Variants in NTRK3 observed in about 807,000 individuals in gnomAD.
The protein encoded by NTRK3 is NT-3 growth factor receptor.
In NTRK3, 24 loss-of-function variants were observed where a neutral mutation model predicts 91.7. The observed-to-expected ratio is 0.26, with a 90% CI of 0.19 to 0.37. The LOEUF is 0.37. Ranked by LOEUF, NTRK3 falls within the 10% of genes least tolerant of loss-of-function variation. The pLI is 1.00. For synonymous variants in NTRK3, 483 were observed against 404.0 expected (o/e 1.20, Z -2.34); for missense variants, 880 against 1,068.9 (o/e 0.82, Z 2.46).
chr15:88,136,718 C>A, intron 7 of NTRK3, 109 bp from the exon 8 acceptor site: 1 of 1,327,870 alleles, frequency 7.5e-7, no homozygotes, highest in Non-Finnish European at 1.0e-6. Flanking sequence ...AGTAATGACT[C>A]TAACACCACC....
intron 14 of NTRK3, among the ~76,000 whole-genome samples, chr15:87,951,478 C>T (rs969525372): frequency 1.2e-4 from 19 of 152,246 alleles, no homozygotes; most frequent in African/African-American, 3.9e-4. Context: ...GGACATGGGC[C>T]GAGCCCTTAG....
In NTRK3 at chr15:88,059,662, C is replaced by T. The variant is rs80148669; in HGVS notation, c.1397-26617G>A. On this transcript the variant is annotated intron_variant, in intron 13 of 18. Transcript: ENST00000394480. ...AACACCCATCGTGTGTGCAGTGAGA[C>T]CTGCTTCTACCCAGAGCTATGGTCG... Among the ~76,000 whole-genome samples the T allele has an allele frequency of 4.9e-3, 751 of 152,250 alleles. 2 individuals are homozygous for T. Among genetic ancestry groups the T allele is most frequent in the Non-Finnish European group, 7.7e-3 (523 of 68,028 alleles).
chr15:87,868,775 A>G, exon 19 of NTRK3: 1 of 223,932 alleles, frequency 4.5e-6, no homozygotes, highest in Non-Finnish European at 8.9e-6. Flanking sequence ...CACTCCTTAA[A>G]GAGATGACAA....
chr15:87,936,679 C>T (rs1233431370), intron 15 of NTRK3, among the ~76,000 whole-genome samples: 1 of 151,986 alleles, frequency 6.6e-6, no homozygotes, highest in Non-Finnish European at 1.5e-5. Context: ...TGGTAAAACA[C>T]ACACACGCAC....
At chr15:88,058,700 A>G (rs1453052276) in intron 13 of NTRK3, among the ~76,000 whole-genome samples, 2 of 152,152 alleles carry the variant, frequency 1.3e-5, no homozygotes, top group African/African-American at 4.8e-5. Flanking sequence ...CATCTGTTGC[A>G]TCCTCCCCTA....
chr15:88,000,214 C>T (rs2076001396), intron 14 of NTRK3, among the ~76,000 whole-genome samples: 1 of 152,152 alleles, frequency 6.6e-6, no homozygotes, highest in African/African-American at 2.4e-5. Context: ...AAAATGTCGA[C>T]ATATGTCCAT....
chr15:88,166,291 C>T (rs916385432), intron 5 of NTRK3, among the ~76,000 whole-genome samples: 10 of 152,204 alleles, frequency 6.6e-5, no homozygotes, highest in African/African-American at 2.4e-4. Flanking sequence ...AAGGGGCACT[C>T]CCTCTACTGT....
At position 87,916,475 on chromosome 15, in the gene NTRK3, T is replaced by A. The variant is rs537413470; in HGVS notation, c.2133+12716A>T. ...CCTTTCCCGAGGACAGAATCCAATA[T>A]AAGCATGCTTCAACGTCTCAGAATT... On this transcript the variant is annotated intron_variant, in intron 17 of 18. Coordinates refer to ENST00000394480, the Ensembl canonical transcript of NTRK3. 1.1e-5 allele frequency: 8 copies of A among 701,506 alleles called. No homozygotes were observed. The Admixed American group carries it at 1.6e-4, about 14-fold the overall frequency. The allele number at this position is 701,506 out of a possible 1,614,324, so 43.5% of individuals were successfully genotyped here.
chr15:87,930,903 G>A (rs1272171505), intron 16 of NTRK3, among the ~76,000 whole-genome samples: 2 of 152,086 alleles, frequency 1.3e-5, no homozygotes, highest in African/African-American at 2.4e-5. Flanking sequence ...CTTCAGGAAG[G>A]GATCCCATAG....
At chr15:88,183,289 A>G (rs990898959) in intron 5 of NTRK3, 129 bp downstream of exon 5, 48 of 872,948 alleles carry the variant, frequency 5.5e-5, no homozygotes, top group South Asian at 1.9e-4. Flanking sequence ...TGGAAGCCCA[A>G]TAAAGTTCAA....
chr15:88,090,334 G>A (rs2048902917), intron 13 of NTRK3, among the ~76,000 whole-genome samples: 2 of 152,328 alleles, frequency 1.3e-5, no homozygotes, highest in East Asian at 1.9e-4. Flanking sequence ...ATCCCGGTAT[G>A]TAAGCCAGTA....
rs1331401882 is a variant in NTRK3 at position 88,233,799 on chromosome 15, C to CG, written c.248+22106_248+22107insC. ...TCCCCTGACATCCAGTGCTCCCCCT[C>CG]CCTGCCTTGTCCAAGAGAATCTCTA... On this transcript the variant is annotated intron_variant, in intron 3 of 18. Transcript: ENST00000394480. The surrounding 1 kb of genome is among the most constrained non-coding windows in gnomAD (Gnocchi z 4.2). Among the ~76,000 whole-genome samples the CG allele has an allele frequency of 1.2e-4, 18 of 151,994 alleles. No homozygotes were observed. The highest frequency in any genetic ancestry group is 3.9e-4 in the African/African-American group (16 of 41,344).
intron 3 of NTRK3, among the ~76,000 whole-genome samples, chr15:88,216,615 G>A (rs2049795601): frequency 6.6e-6 from 1 of 152,168 alleles, no homozygotes; most frequent in African/African-American, 2.4e-5. Context: ...TGGAGCAGCT[G>A]GAACTTCCTC....
intron 13 of NTRK3, among the ~76,000 whole-genome samples, chr15:88,094,892 G>A (rs548260886): frequency 1.6e-4 from 24 of 152,322 alleles, no homozygotes; most frequent in South Asian, 4.1e-4. Context: ...TAACTCCATC[G>A]TAACAGACTG....
intron 13 of NTRK3, among the ~76,000 whole-genome samples, chr15:88,087,745 C>A (rs2048636961): frequency 3.3e-5 from 5 of 152,196 alleles, no homozygotes; most frequent in Admixed American, 3.3e-4. Flanking sequence ...AACCTCAAAT[C>A]ATACTTTAAA....
chr15:87,981,494 T>TA, intron 14 of NTRK3: 1 of 1,186,198 alleles, frequency 8.4e-7, no homozygotes. Context: ...CTGTACCCAC[T>TA]CTGCTGTGCC....
At chr15:87,887,202 A>G (rs1392225086) in intron 17 of NTRK3, among the ~76,000 whole-genome samples, 1 of 152,188 alleles carries the variant, frequency 6.6e-6, no homozygotes, top group Non-Finnish European at 1.5e-5. Context: ...TTAATTGGTC[A>G]TGGAGACTCC....
At chr15:88,014,276 T>C (rs181583712) in intron 14 of NTRK3, among the ~76,000 whole-genome samples, 199 of 152,312 alleles carry the variant, frequency 1.3e-3, no homozygotes, top group African/African-American at 4.6e-3. Context: ...AATGAAAAGA[T>C]TGCATTTCCA....
chr15:88,201,890 C>T (rs1254472252), intron 3 of NTRK3, among the ~76,000 whole-genome samples: 1 of 152,174 alleles, frequency 6.6e-6, no homozygotes, highest in Non-Finnish European at 1.5e-5. Flanking sequence ...ATACAGAGCT[C>T]TTCTTACTGA....
Sources: allele counts gnomAD v4.1 joint callset (sites outside exome capture counted in the v4.1 genomes callset), GRCh38; gene constraint gnomAD v4.1.1; non-coding constraint Gnocchi (gnomAD v3.1); transcripts MANE v1.5; gene names NCBI Gene and HGNC (gene_info 2026-07-23, HGNC 2026-07-21).